The following PSD3 variants were observed in gnomAD, a reference collection of about 807,000 sequenced individuals.
PSD3 encodes PH and SEC7 domain-containing protein 3.
Under a neutral mutation model 105.5 loss-of-function variants are expected in PSD3, and 49 were observed. The observed-to-expected ratio is 0.46, with a 90% CI of 0.37 to 0.59. The LOEUF (loss-of-function observed/expected upper bound fraction) is 0.59. Among genes scored for constraint, PSD3 ranks in the 20% least tolerant of loss-of-function variants. The pLI, the probability that PSD3 is intolerant of heterozygous loss-of-function variation, is 0.00. For missense variants in PSD3, 1,561 were observed against 1,263.8 expected, an observed-to-expected ratio of 1.24 and a Z score of -3.57; for synonymous variants, 557 against 457.8, an observed-to-expected ratio of 1.22 and a Z score of -2.77.
intron 8 of PSD3, among the ~76,000 whole-genome samples, chr8:18,768,055 G>C (rs1170899133): frequency 6.8e-6 from 1 of 146,716 alleles, no homozygotes; most frequent in Non-Finnish European, 1.5e-5. Flanking sequence ...CGGATCACTT[G>C]AGGTCAGGAG....
intron 4 of PSD3, among the ~76,000 whole-genome samples, chr8:18,838,635 A>C (rs1314405749): frequency 6.6e-6 from 1 of 151,618 alleles, no homozygotes; most frequent in African/African-American, 2.4e-5. Context: ...CCCCATCTCT[A>C]CTAAAAATAC....
At chr8:18,968,626 C>T (rs564697003) in intron 1 of PSD3, among the ~76,000 whole-genome samples, 3 of 152,264 alleles carry the variant, frequency 2.0e-5, no homozygotes, top group Admixed American at 2.0e-4. Context: ...CCTGTAATCC[C>T]AGCACTTTGG....
At chr8:18,864,699 T>C (rs1816696740) in intron 4 of PSD3, 1 of 152,120 alleles carries the variant, frequency 6.6e-6, no homozygotes. Flanking sequence ...GCATGGCCAC[T>C]GCTTTTATTT....
chr8:18,665,203 G>A (rs1328416991), intron 9 of PSD3, among the ~76,000 whole-genome samples: 2 of 152,202 alleles, frequency 1.3e-5, no homozygotes, highest in Non-Finnish European at 1.5e-5. Flanking sequence ...AAAGTAAACT[G>A]AAAACCTTCT....
intron 1 of PSD3, among the ~76,000 whole-genome samples, chr8:18,982,147 G>C (rs1264711425): frequency 6.6e-6 from 1 of 152,156 alleles, no homozygotes; most frequent in African/African-American, 2.4e-5. Flanking sequence ...ATCTTCACCA[G>C]GAGTAAATCC....
At chr8:18,552,924 T>A (rs1178060933) in intron 15 of PSD3, among the ~76,000 whole-genome samples, 3 of 152,188 alleles carry the variant, frequency 2.0e-5, no homozygotes, top group Non-Finnish European at 4.4e-5. Context: ...CAGGCTAAGA[T>A]GGAAGTTTCC....
chr8:18,631,054 T>C (rs761485005), intron 11 of PSD3, among the ~76,000 whole-genome samples: 1 of 151,974 alleles, frequency 6.6e-6, no homozygotes, highest in Non-Finnish European at 1.5e-5. Context: ...ACTTAGCCTA[T>C]AGATTTCAGT....
chr8:18,789,482 A>C (rs574755874), intron 8 of PSD3, among the ~76,000 whole-genome samples: 1 of 152,210 alleles, frequency 6.6e-6, no homozygotes, highest in Non-Finnish European at 1.5e-5. Flanking sequence ...AATGCAATTT[A>C]AAAATCTTAT....
At chr8:18,688,253 G>GCTGT (rs1380313364) in intron 9 of PSD3, among the ~76,000 whole-genome samples, 2 of 135,928 alleles carry the variant, frequency 1.5e-5, no homozygotes, top group African/African-American at 3.4e-5. Context: ...ATCACGTCAG[G>GCTGT]CTGTTTGTTT....
intron 2 of PSD3, among the ~76,000 whole-genome samples, chr8:18,913,086 A>AACACACACACACACACACACACACACAC (rs72253853): frequency 7.7e-6 from 1 of 130,464 alleles, no homozygotes; most frequent in African/African-American, 2.9e-5. Flanking sequence ...CACACACACA[A>AACACACACACACACACACACACACACAC]ACACACACAC....
At chr8:18,541,081 A>T (rs1189193434) in intron 15 of PSD3, among the ~76,000 whole-genome samples, 1 of 151,814 alleles carries the variant, frequency 6.6e-6, no homozygotes, top group East Asian at 1.9e-4. Flanking sequence ...TCAAAATCTA[A>T]AACTGGAACA....
At chr8:18,611,940 T>C (rs1220710222) in intron 11 of PSD3, among the ~76,000 whole-genome samples, 2 of 152,210 alleles carry the variant, frequency 1.3e-5, no homozygotes, top group Non-Finnish European at 2.9e-5. Context: ...TTGATCTTCA[T>C]TACAGATTAA....
chr8:18,775,638 G>T (rs1414815675), intron 8 of PSD3, among the ~76,000 whole-genome samples: 1 of 152,104 alleles, frequency 6.6e-6, no homozygotes, highest in South Asian at 2.1e-4. Flanking sequence ...CTTCTTTTGA[G>T]AAATACCTAT....
At chr8:18,835,563 G>A (rs1039964421) in intron 4 of PSD3, among the ~76,000 whole-genome samples, 4 of 152,176 alleles carry the variant, frequency 2.6e-5, no homozygotes, top group African/African-American at 9.7e-5. Context: ...AAAATACGTA[G>A]TACGTTGGTA....
intron 1 of PSD3, among the ~76,000 whole-genome samples, chr8:18,943,639 G>A (rs1822690819): frequency 6.6e-6 from 1 of 152,048 alleles, no homozygotes; most frequent in African/African-American, 2.4e-5. Context: ...CACAAGGAAT[G>A]GTTATCAAGC....
chr8:18,833,336 A>G lies in PSD3; in HGVS notation c.1635-28438T>C, dbSNP rs547932826. Among the ~76,000 whole-genome samples, 32 of 152,358 alleles carry G rather than the reference A, an allele frequency of 2.1e-4. 1 individual carries two copies. In the South Asian group the frequency reaches 4.3e-3, roughly 21 times the overall value. On this transcript the variant is annotated intron_variant, in intron 4 of 15. Transcript: ENST00000327040. The stretch of plus-strand genomic sequence containing the variant: ...GGTGGAGGTGAGCAGCTGCTTCATT[A>G]TGAAGGCTCACACTGACAGCACCAT...
intron 10 of PSD3, among the ~76,000 whole-genome samples, chr8:18,648,709 C>T (rs1808241658): frequency 6.6e-6 from 1 of 152,210 alleles, no homozygotes; most frequent in Non-Finnish European, 1.5e-5. Flanking sequence ...ACCTTTGCAG[C>T]AGCCCCTCCT....
chr8:18,785,495 A>C (rs149962196), intron 8 of PSD3, among the ~76,000 whole-genome samples: 32 of 152,268 alleles, frequency 2.1e-4, no homozygotes, highest in Non-Finnish European at 4.1e-4. Context: ...TTTTGGTGTA[A>C]GGGAATACTG....
intron 10 of PSD3, among the ~76,000 whole-genome samples, chr8:18,638,194 C>A (rs1420273115): frequency 6.6e-6 from 1 of 151,730 alleles, no homozygotes; most frequent in African/African-American, 2.4e-5. Context: ...CTGTTACAGC[C>A]CACAGCTAAC....
Sources: gnomAD v4.1 joint callset for allele counts (sites outside exome capture counted in the v4.1 genomes callset) on GRCh38, gnomAD v4.1.1 for gene constraint, MANE v1.5 for transcripts, NCBI Gene and HGNC (gene_info 2026-07-23, HGNC 2026-07-21) for gene names.